The following AK8 variants were observed in gnomAD, a reference collection of about 807,000 sequenced individuals.
AK8 encodes adenylate kinase 8, also known as ATP-AMP transphosphorylase 8.
A neutral mutation model predicts 54.6 loss-of-function variants in AK8; 44 were observed. The ratio of observed to expected loss-of-function variants is 0.81; its 90% CI spans 0.63 to 1.04. The LOEUF (loss-of-function observed/expected upper bound fraction) is 1.04. Ranked by LOEUF, AK8 falls within the 50% of genes least tolerant of loss-of-function variation. The pLI, the probability that AK8 is intolerant of heterozygous loss-of-function variation, is 0.00. For missense variants in AK8, 555 were observed against 613.6 expected (o/e 0.90, Z 1.01); for synonymous variants, 239 against 245.6 (o/e 0.97, Z 0.25).
intron 10 of AK8, among the ~76,000 whole-genome samples, chr9:132,793,098 C>A (rs75605340): frequency 0.024 from 3,711 of 152,238 alleles, 148 homozygotes; most frequent in African/African-American, 0.085. Context: ...GCTGCTATAG[C>A]AAAATCCCGT....
intron 8 of AK8, among the ~76,000 whole-genome samples, chr9:132,824,777 C>T (rs566678962): frequency 6.6e-6 from 1 of 152,314 alleles, no homozygotes; most frequent in South Asian, 2.1e-4. Flanking sequence ...GATGCACAGT[C>T]CCCTCTTTTT....
chr9:132,856,938 A>G (rs921274111), intron 4 of AK8, among the ~76,000 whole-genome samples: 4 of 152,128 alleles, frequency 2.6e-5, no homozygotes, highest in Non-Finnish European at 4.4e-5. Flanking sequence ...TGTTCACTTT[A>G]AAGTTATGGG....
In AK8 at chr9:132,770,967, G is replaced by A. The variant is rs2131088755; in HGVS notation, c.1121+21667C>T. Among the ~76,000 whole-genome samples, 1 of 152,310 alleles carries A rather than the reference G, an allele frequency of 6.6e-6. No homozygotes were observed. The highest frequency in any genetic ancestry group is 2.4e-5 in the African/African-American group (1 of 41,576). On this transcript the variant is annotated intron_variant, in intron 11 of 12. Transcript: ENST00000298545. The surrounding 1 kb of genome is among the most constrained non-coding windows in gnomAD (Gnocchi z 4.3). ...GGCAAACGCAGCACAGGAGATGGGA[G>A]GGTCTGGCTGAGCAGGGGGCCTCAG...
intron 5 of AK8, among the ~76,000 whole-genome samples, chr9:132,851,063 A>G (rs1395077661): frequency 3.3e-5 from 5 of 152,218 alleles, no homozygotes; most frequent in Non-Finnish European, 7.3e-5. Context: ...GTTGGGGGAA[A>G]AGACTAGAAT....
intron 5 of AK8, among the ~76,000 whole-genome samples, chr9:132,848,138 AAAAAAG>A (rs1192138311): frequency 3.3e-4 from 30 of 92,250 alleles, no homozygotes; most frequent in Admixed American, 7.5e-4. Context: ...AAAAAAAAAA[AAAAAAG>A]ATTGAAGAGA....
intron 10 of AK8, among the ~76,000 whole-genome samples, chr9:132,810,431 G>C (rs1025411123): frequency 1.3e-5 from 2 of 152,132 alleles, no homozygotes; most frequent in African/African-American, 2.4e-5. Flanking sequence ...AGGACTCTTG[G>C]GTTTGCTTTT....
chr9:132,790,134 GCTTA>G lies in AK8; in HGVS notation c.1121+2496_1121+2499del, dbSNP rs1327787602. Among the ~76,000 whole-genome samples the G allele has an allele frequency of 6.6e-6, 1 of 152,128 alleles. No individual in the cohort carries two copies. The highest frequency in any genetic ancestry group is 1.5e-5 in the Non-Finnish European group (1 of 68,034). On this transcript the variant is annotated intron_variant, in intron 11 of 12. Transcript: ENST00000298545. This position sits in a 1 kb window ranked among gnomAD's most constrained non-coding sequence, Gnocchi z 4.1. ...CAGTTACTATAGGAACAAAAGACTGGCTTACTAATATTAACATAATTTATAATAC... is the reference window on the plus strand; with the variant it reads ...CAGTTACTATAGGAACAAAAGACTGGCTAATATTAACATAATTTATAATAC...
At chr9:132,869,241 C>T (rs1401189920) in intron 2 of AK8, among the ~76,000 whole-genome samples, 1 of 152,214 alleles carries the variant, frequency 6.6e-6, no homozygotes, top group Non-Finnish European at 1.5e-5. Context: ...CAGCGTGGCT[C>T]ATAAGAGTCC....
At chr9:132,827,515 A>G in intron 7 of AK8, 1 of 216,062 alleles carries the variant, frequency 4.6e-6, no homozygotes, top group Non-Finnish European at 9.3e-6. Flanking sequence ...CGGAAGATCA[A>G]GGGCAGTCCC....
intron 11 of AK8, among the ~76,000 whole-genome samples, chr9:132,740,218 C>T (rs1837306893): frequency 6.6e-6 from 1 of 152,230 alleles, no homozygotes; most frequent in Non-Finnish European, 1.5e-5. Context: ...CACTTTTTAT[C>T]AGGCACTGTG....
chr9:132,827,241 T>C (rs1200460369), intron 7 of AK8, 187 bp from the exon 8 acceptor site: 1 of 635,102 alleles, frequency 1.6e-6, no homozygotes, highest in Non-Finnish European at 2.8e-6. Context: ...CTCTTAACTA[T>C]TATTCTTGTT....
Position 132,823,215 on chromosome 9 carries a change from C to A in AK8, c.879G>T (p.Arg293Ser). 3.2e-6 allele frequency: 5 copies of A among 1,583,554 alleles called. No homozygotes were observed. The highest frequency in any genetic ancestry group is 3.4e-6 in the Non-Finnish European group (4 of 1,166,412). The change falls in exon 9 of 13, where the codon AGG (arginine) becomes AGT (serine). Residue 293 changes from arginine to serine, a missense_variant. Transcript: ENST00000298545. ...ACCTGGGGCACTCACCATTGACAAG[C>A]CTGTATTTCTGGGCCAGGAGGGCGG... ...LQAALLAQKY[R>S]LVNVCCGQLL...
At chr9:132,804,020 C>T (rs573535054) in intron 10 of AK8, among the ~76,000 whole-genome samples, 5 of 150,330 alleles carry the variant, frequency 3.3e-5, no homozygotes, top group South Asian at 2.1e-4. Flanking sequence ...GCAGGAGAAT[C>T]GCTTGAACCC....
intron 11 of AK8, among the ~76,000 whole-genome samples, chr9:132,743,066 G>A (rs1837469080): frequency 6.6e-6 from 1 of 152,220 alleles, no homozygotes; most frequent in Non-Finnish European, 1.5e-5. Flanking sequence ...ACAAGCCCTG[G>A]CTGCGTGTGT....
chr9:132,839,824 G>GGC lies in AK8; in HGVS notation c.403-11099_403-11098insGC, dbSNP rs200009863. Among the ~76,000 whole-genome samples, 54 of 147,702 alleles carry GGC rather than the reference G, an allele frequency of 3.7e-4. 5 individuals are homozygous for GGC. In the East Asian group the frequency reaches 8.9e-3, roughly 24 times the overall value. ...TAAAGAAAACATTTTTTTTGCCGGG[G>GGC]GGGGGGGCGCAGGGACGGAGCCTTG... On this transcript the variant is annotated intron_variant, in intron 5 of 12. Coordinates refer to ENST00000298545, the MANE Select transcript of AK8 (RefSeq NM_152572.3).
intron 11 of AK8, chr9:132,769,093 G>C (rs1838846241): frequency 6.6e-6 from 1 of 151,500 alleles, no homozygotes; most frequent in Non-Finnish European, 1.5e-5. Flanking sequence ...GGGGCTGGGC[G>C]GGCACTGTGG....
chr9:132,845,658 G>GT, intron 5 of AK8, among the ~76,000 whole-genome samples: 1 of 152,128 alleles, frequency 6.6e-6, no homozygotes, highest in East Asian at 1.9e-4. Context: ...GCATGTGCCT[G>GT]TAATCCCAGC....
intron 11 of AK8, among the ~76,000 whole-genome samples, chr9:132,764,683 T>A (rs764860927): frequency 2.6e-5 from 4 of 152,150 alleles, no homozygotes; most frequent in Non-Finnish European, 5.9e-5. Context: ...AAGTCTCCCA[T>A]CACAGAAAAG....
chr9:132,827,852 T>C (rs1011892318), intron 7 of AK8, 161 bp downstream of exon 7: 22 of 651,310 alleles, frequency 3.4e-5, no homozygotes, highest in Admixed American at 8.7e-5. Context: ...AATGTACCCT[T>C]GCCAGTGTCT....
Sources: allele counts gnomAD v4.1 joint callset (sites outside exome capture counted in the v4.1 genomes callset), GRCh38; gene constraint gnomAD v4.1.1; non-coding constraint Gnocchi (gnomAD v3.1); transcripts MANE v1.5; gene names NCBI Gene and HGNC (gene_info 2026-07-23, HGNC 2026-07-21).